The following TTC39C variants were observed in gnomAD, a reference collection of about 807,000 sequenced individuals.
The protein encoded by TTC39C is tetratricopeptide repeat domain 39C, also known as tetratricopeptide repeat protein 39C.
In TTC39C, 33 loss-of-function variants were observed where a neutral mutation model predicts 76.3. The observed-to-expected ratio is 0.43, with a 90% CI of 0.33 to 0.58. The LOEUF is 0.58. TTC39C is among the 20% of genes least tolerant of loss of function. TTC39C has a pLI of 0.04. For missense variants in TTC39C, 595 were observed against 701.4 expected (o/e 0.85, Z 1.71); for synonymous variants, 254 against 260.6 (o/e 0.97, Z 0.24).
intron 12 of TTC39C, among the ~76,000 whole-genome samples, chr18:24,131,643 T>C (rs1452356805): frequency 6.6e-6 from 1 of 150,992 alleles, no homozygotes; most frequent in Non-Finnish European, 1.5e-5. Context: ...GAGGCAGAGG[T>C]TGCAGTGAGC....
At position 24,015,010 on chromosome 18, in the gene TTC39C, G is replaced by T; in HGVS notation, c.139G>T (p.Glu47Ter). Residue 47 changes from glutamate to a stop codon, truncating the protein, a stop_gained, in exon 1 of 14, where the codon GAG (glutamate) becomes TAG (stop). Transcript: ENST00000317571. LOFTEE classifies it high-confidence loss of function. ...CATGCTGCTCAACAACGGCTTCAGGGAGTCGGACCAGCTTTTCAAACAATA... is the reference window on the plus strand; with the variant it reads ...CATGCTGCTCAACAACGGCTTCAGGTAGTCGGACCAGCTTTTCAAACAATA... ...INMLLNNGFR[E>*]SDQLFKQYRN... 1.3e-6 allele frequency: 2 copies of T among 1,517,890 alleles called. No homozygotes were observed. The highest frequency in any genetic ancestry group is 1.7e-4 in the Middle Eastern group (1 of 5,874). 94.0% of individuals were successfully genotyped at this position (1,517,890 alleles called of 1,614,324 possible).
At chr18:24,087,586 T>TTTTTTTGTTTTG (rs1306201471) in intron 6 of TTC39C, among the ~76,000 whole-genome samples, 6 of 146,594 alleles carry the variant, frequency 4.1e-5, no homozygotes, top group African/African-American at 1.5e-4. Context: ...AGAACTGTTT[T>TTTTTTTGTTTTG]TTTTTTGTTT....
chr18:24,003,743 A>G (rs2083331365), intron 1 of TTC39C, among the ~76,000 whole-genome samples: 1 of 152,154 alleles, frequency 6.6e-6, no homozygotes, highest in Non-Finnish European at 1.5e-5. Context: ...CAAAATGAAA[A>G]ATGAATGCTT....
At chr18:24,030,037 A>G (rs930116687) in intron 1 of TTC39C, among the ~76,000 whole-genome samples, 3 of 152,224 alleles carry the variant, frequency 2.0e-5, no homozygotes, top group Non-Finnish European at 2.9e-5. Flanking sequence ...AGATTGCTGC[A>G]TCAAATGGTA....
chr18:24,092,930 G>T (rs2084543223), intron 6 of TTC39C, among the ~76,000 whole-genome samples: 1 of 152,176 alleles, frequency 6.6e-6, no homozygotes, highest in Non-Finnish European at 1.5e-5. Context: ...CAAAAAATTA[G>T]CTGGGCGCAC....
At chr18:24,084,122 A>G (rs1271536535) in intron 6 of TTC39C, among the ~76,000 whole-genome samples, 1 of 152,160 alleles carries the variant, frequency 6.6e-6, no homozygotes, top group Non-Finnish European at 1.5e-5. Flanking sequence ...TCTGAAGACC[A>G]TGCAGAGCAG....
In TTC39C at chr18:24,083,028, T is replaced by C; in HGVS notation, c.931T>C (p.Tyr311His). 1 of 1,614,138 alleles carries C rather than the reference T, an allele frequency of 6.2e-7. No homozygotes were observed. Among genetic ancestry groups the C allele is most frequent in the Non-Finnish European group, 8.5e-7 (1 of 1,179,972 alleles). The change falls in exon 6 of 14, where the codon TAT (tyrosine) becomes CAT (histidine). Residue 311 changes from tyrosine (Y) to histidine (H), a missense_variant. Tyr to His is a moderately conservative substitution (Grantham distance 83). Transcript: ENST00000317571. ...AATTCTCCTTAAAAAAGAAGCTGCT[T>C]ATCCAAATTCTTCCCTCTTTATGTT... is the stretch of plus-strand genomic sequence containing the variant. ...KEILLKKEAA[Y>H]PNSSLFMFFK... is the part of the protein sequence containing the mutation.
At position 24,060,357 on chromosome 18, in the gene TTC39C, G is replaced by A. The variant is rs1167112018; in HGVS notation, c.168-3783G>A. Among the ~76,000 whole-genome samples the A allele has an allele frequency of 4.2e-5, 5 of 117,876 alleles. No homozygotes were observed. In the East Asian group the frequency reaches 8.5e-4, roughly 20 times the overall value. 77.3% of individuals were successfully genotyped at this position (117,876 alleles called of 152,430 possible). A position where few individuals can be genotyped will look rare whatever the true frequency, so the allele number is the denominator to read the frequency against. ...TTTTGAGACGTAGTCTCTCTCTGTC[G>A]CCCAGGCTGAAGTGCAGTGGCGCGA... On this transcript the variant is annotated intron_variant, in intron 1 of 13. Coordinates refer to ENST00000317571, the MANE Select transcript of TTC39C (RefSeq NM_001135993.2).
At chr18:24,098,067 ATT>A (rs1157386776) in intron 6 of TTC39C, among the ~76,000 whole-genome samples, 2 of 152,084 alleles carry the variant, frequency 1.3e-5, no homozygotes, top group African/African-American at 4.8e-5. Context: ...TTAAATATAT[ATT>A]ATATTATTTT....
At chr18:24,031,114 CT>C (rs1229292193) in intron 1 of TTC39C, among the ~76,000 whole-genome samples, 5 of 149,732 alleles carry the variant, frequency 3.3e-5, no homozygotes, top group Admixed American at 1.3e-4. Flanking sequence ...AACTGGCTAC[CT>C]TTTTTACTTT....
chr18:24,037,068 T>C (rs115259438), intron 1 of TTC39C, among the ~76,000 whole-genome samples: 2,334 of 152,326 alleles, frequency 0.015, 61 homozygotes, highest in African/African-American at 0.053. Flanking sequence ...AGTGCTATGG[T>C]GAATAGCAAT....
At chr18:24,066,494 T>G (rs149883891) in intron 3 of TTC39C, among the ~76,000 whole-genome samples, 196 of 152,312 alleles carry the variant, frequency 1.3e-3, no homozygotes, top group Non-Finnish European at 2.2e-3. Context: ...AATTCTGGAA[T>G]TCAGCTGTTT....
chr18:24,081,503 T>C (rs768691868), intron 5 of TTC39C, among the ~76,000 whole-genome samples: 2 of 152,230 alleles, frequency 1.3e-5, no homozygotes, highest in Non-Finnish European at 2.9e-5. Context: ...CACCAATTTC[T>C]ACATCAGTTA....
intron 9 of TTC39C, chr18:24,124,242 C>A (rs1288238101): frequency 9.4e-6 from 2 of 212,834 alleles, no homozygotes; most frequent in Non-Finnish European, 9.2e-6. Flanking sequence ...AAATCTTTAG[C>A]AAAAGGTGAA....
chr18:23,997,662 GA>G (rs1646617462), intron 1 of TTC39C, among the ~76,000 whole-genome samples: 3 of 69,278 alleles, frequency 4.3e-5, no homozygotes, highest in African/African-American at 1.1e-4. Flanking sequence ...GAGAAAGAAA[GA>G]AAGAAAGAAA....
chr18:24,039,121 C>T (rs1194105739), intron 1 of TTC39C, among the ~76,000 whole-genome samples: 1 of 152,202 alleles, frequency 6.6e-6, no homozygotes, highest in Non-Finnish European at 1.5e-5. Flanking sequence ...CCCCATGCAC[C>T]TGTAAGGTGG....
rs113791682 is a variant in TTC39C, at chr18:24,090,089, A to G, written c.984+7008A>G. Among the ~76,000 whole-genome samples, 571 of 152,322 alleles carry G rather than the reference A, an allele frequency of 3.7e-3. 2 individuals are homozygous for G. The highest frequency in any genetic ancestry group is 5.4e-3 in the Non-Finnish European group (368 of 68,034). On this transcript the variant is annotated intron_variant, in intron 6 of 13. Coordinates refer to ENST00000317571, the MANE Select transcript of TTC39C (RefSeq NM_001135993.2). ...TTTTTTAAGTAAATAATTGACATGC[A>G]GGCAGACTACTTAGATTTCCCTTGT...
chr18:24,021,527 TTTTC>T (rs2083517296), intron 1 of TTC39C, among the ~76,000 whole-genome samples: 2 of 150,566 alleles, frequency 1.3e-5, no homozygotes, highest in Non-Finnish European at 2.9e-5. Context: ...GTTTTGCTTT[TTTTC>T]TTTCCTTCTT....
At chr18:24,119,967 C>T (rs1457688212) in intron 8 of TTC39C, among the ~76,000 whole-genome samples, 2 of 149,998 alleles carry the variant, frequency 1.3e-5, no homozygotes, top group African/African-American at 2.4e-5. Flanking sequence ...ATTAATTCCC[C>T]CCCCCCAATA....
Sources: gnomAD v4.1 joint callset for allele counts (sites outside exome capture counted in the v4.1 genomes callset) on GRCh38, gnomAD v4.1.1 for gene constraint, MANE v1.5 for transcripts, NCBI Gene and HGNC (gene_info 2026-07-23, HGNC 2026-07-21) for gene names.